The following MARCHF3 variants were observed in gnomAD, a reference collection of about 807,000 sequenced individuals.
The protein encoded by MARCHF3 is membrane associated ring-CH-type finger 3, also known as E3 ubiquitin-protein ligase MARCHF3.
Under a neutral mutation model 24.2 loss-of-function variants are expected in MARCHF3, and 13 were observed. The ratio of observed to expected loss-of-function variants is 0.54; its 90% confidence interval spans 0.35 to 0.85. The LOEUF (loss-of-function observed/expected upper bound fraction) is 0.85. Ranked by LOEUF, MARCHF3 falls within the 40% of genes least tolerant of loss-of-function variation. The pLI is 0.01. For missense variants in MARCHF3, 276 were observed against 325.0 expected (o/e 0.85, Z 1.16); for synonymous variants, 144 against 137.3 (o/e 1.05, Z -0.34).
chr5:126,895,893 G>T (rs1753873984), intron 3 of MARCHF3, among the ~76,000 whole-genome samples: 1 of 152,122 alleles, frequency 6.6e-6, no homozygotes, highest in Non-Finnish European at 1.5e-5. Flanking sequence ...GGGCAGTGGC[G>T]GGCGCCCCTC....
chr5:126,989,172 A>G (rs1051388825), intron 1 of MARCHF3, among the ~76,000 whole-genome samples: 1 of 152,106 alleles, frequency 6.6e-6, no homozygotes, highest in Admixed American at 6.6e-5. Context: ...CCAGCTACTC[A>G]GGAAGCTGAG....
intron 1 of MARCHF3, among the ~76,000 whole-genome samples, chr5:126,921,462 T>C (rs1222149075): frequency 6.6e-6 from 1 of 151,906 alleles, no homozygotes; most frequent in East Asian, 1.9e-4. Context: ...GGCATGCATA[T>C]GTTGCACCTG....
chr5:126,872,785 A>G (rs1317870750), intron 4 of MARCHF3, among the ~76,000 whole-genome samples: 1 of 152,094 alleles, frequency 6.6e-6, no homozygotes, highest in Non-Finnish European at 1.5e-5. Context: ...ATGAAAATAT[A>G]CGCTTTTAAA....
intron 3 of MARCHF3, among the ~76,000 whole-genome samples, chr5:126,900,007 T>A (rs1162863878): frequency 6.6e-6 from 1 of 152,112 alleles, no homozygotes; most frequent in Admixed American, 6.6e-5. Flanking sequence ...GAATCCACCA[T>A]TATAGTGCAG....
chr5:127,013,094 T>C (rs958536962), intron 1 of MARCHF3, among the ~76,000 whole-genome samples: 1 of 152,336 alleles, frequency 6.6e-6, no homozygotes. Context: ...TGAATCATAA[T>C]GGACCTTTCA....
intron 1 of MARCHF3, chr5:127,030,124 G>C (rs1006717690): frequency 1.4e-4 from 22 of 152,184 alleles, no homozygotes; most frequent in African/African-American, 4.8e-4. Flanking sequence ...ATTACGCCAA[G>C]TTGGTGCGGA....
At chr5:126,983,211 C>T (rs1751449945) in intron 1 of MARCHF3, among the ~76,000 whole-genome samples, 1 of 152,180 alleles carries the variant, frequency 6.6e-6, no homozygotes, top group African/African-American at 2.4e-5. Flanking sequence ...AGGGAGTTGG[C>T]TTTGGCTTCA....
intron 1 of MARCHF3, among the ~76,000 whole-genome samples, chr5:126,973,814 T>A (rs1751099308): frequency 6.6e-6 from 1 of 151,092 alleles, no homozygotes; most frequent in African/African-American, 2.4e-5. Flanking sequence ...CAGGCATAAA[T>A]ATAAGTTGGA....
chr5:126,933,010 C>CT (rs1221097088), intron 1 of MARCHF3, among the ~76,000 whole-genome samples: 1 of 152,158 alleles, frequency 6.6e-6, no homozygotes, highest in Non-Finnish European at 1.5e-5. Flanking sequence ...CAGGGACTCT[C>CT]TTCATCTTGT....
chr5:126,874,877 C>T (rs1259977695), intron 4 of MARCHF3, among the ~76,000 whole-genome samples: 1 of 152,148 alleles, frequency 6.6e-6, no homozygotes, highest in Admixed American at 6.5e-5. Context: ...CTTGTTGGGA[C>T]AGCGTTCCAT....
chr5:127,018,119 C>G (rs1180817231), intron 1 of MARCHF3, among the ~76,000 whole-genome samples: 1 of 152,156 alleles, frequency 6.6e-6, no homozygotes, highest in Non-Finnish European at 1.5e-5. Context: ...GCCTGCAATC[C>G]CAGCACTTTG....
intron 1 of MARCHF3, among the ~76,000 whole-genome samples, chr5:126,959,834 A>G (rs1243694498): frequency 6.6e-6 from 1 of 152,180 alleles, no homozygotes; most frequent in African/African-American, 2.4e-5. Context: ...AGTAACTAAT[A>G]GACAGTAAGC....
intron 1 of MARCHF3, among the ~76,000 whole-genome samples, chr5:127,018,644 A>C (rs1752701861): frequency 6.6e-6 from 1 of 152,170 alleles, no homozygotes; most frequent in Non-Finnish European, 1.5e-5. Flanking sequence ...CTGGCTCATT[A>C]GACTAACAAC....
intron 1 of MARCHF3, among the ~76,000 whole-genome samples, chr5:126,975,768 A>G (rs1751172664): frequency 6.6e-6 from 1 of 152,220 alleles, no homozygotes; most frequent in African/African-American, 2.4e-5. Context: ...TAAAACCCAG[A>G]ACACTTTTAC....
In MARCHF3 at chr5:126,985,443, A is replaced by G. The variant is rs1171137444; in HGVS notation, c.-57+44907T>C. 3.3e-5 allele frequency among the ~76,000 whole-genome samples: 5 copies of G among 151,350 alleles called. No individual in the cohort carries two copies. The East Asian group carries it at 9.7e-4, about 29-fold the overall frequency. On this transcript the variant is annotated intron_variant, in intron 1 of 4. Transcript: ENST00000308660. ...GTTTGTGTAAATACTAGATAAAAAA[A>G]TACTTTTTTTAATCTGGATGAACTT...
At chr5:127,015,734 C>T (rs1288204846) in intron 1 of MARCHF3, among the ~76,000 whole-genome samples, 1 of 152,206 alleles carries the variant, frequency 6.6e-6, no homozygotes, top group Non-Finnish European at 1.5e-5. Context: ...GCAGTACATC[C>T]CCCCACTTAT....
At chr5:126,912,327 C>A (rs1179256274) in intron 3 of MARCHF3, among the ~76,000 whole-genome samples, 1 of 152,166 alleles carries the variant, frequency 6.6e-6, no homozygotes, top group East Asian at 1.9e-4. Flanking sequence ...GTAATTCCAA[C>A]CAATGTTAGC....
chr5:126,891,710 AGTCAG>A (rs1394315235), intron 3 of MARCHF3, among the ~76,000 whole-genome samples: 2 of 141,680 alleles, frequency 1.4e-5, no homozygotes, highest in Admixed American at 7.0e-5. Flanking sequence ...TATAGTTTGA[AGTCAG>A]GTAGTGTGAT....
At chr5:126,989,105 C>T (rs969963878) in intron 1 of MARCHF3, among the ~76,000 whole-genome samples, 1 of 151,840 alleles carries the variant, frequency 6.6e-6, no homozygotes, top group Non-Finnish European at 1.5e-5. Context: ...CATAGTGAGA[C>T]CCCATCTCTA....
Sources: gnomAD v4.1 joint callset for allele counts (sites outside exome capture counted in the v4.1 genomes callset) on GRCh38, gnomAD v4.1.1 for gene constraint, MANE v1.5 for transcripts, NCBI Gene and HGNC (gene_info 2026-07-23, HGNC 2026-07-21) for gene names.